Variants in DACH2 observed in about 807,000 individuals in gnomAD.
DACH2 encodes dachshund family transcription factor 2.
DACH2 carries 17 observed loss-of-function variants against 35.8 expected under a neutral mutation model. The ratio of observed to expected loss-of-function variants is 0.48; its 90% CI spans 0.33 to 0.71. DACH2 has a LOEUF of 0.71. DACH2 is among the 30% of genes least tolerant of loss of function. The pLI is 0.02. For missense variants in DACH2, 469 were observed against 472.7 expected, an observed-to-expected ratio of 0.99 and a Z score of 0.07; for synonymous variants, 195 against 177.3, an observed-to-expected ratio of 1.10 and a Z score of -0.79.
At chrX:86,293,638 G>A (rs1206726675) in intron 1 of DACH2, among the ~76,000 whole-genome samples, 2 of 110,366 alleles carry the variant, frequency 1.8e-5, no homozygotes, top group Admixed American at 1.9e-4. Context: ...AAATCTGTCA[G>A]CATTTGCTTG....
rs143631292 is a variant in DACH2 at position 86,502,974 on chromosome X, C to G, written c.528-11305C>G. Among the ~76,000 whole-genome samples the G allele has an allele frequency of 5.2e-3, 584 of 111,687 alleles. 6 individuals carry two copies. The highest frequency in any genetic ancestry group is 0.018 in the African/African-American group (553 of 30,740). ...AAAGATTGGACACCCCTGACATACACTAGGGGATTCTGTCACAGAAATTAT... is the reference window on the plus strand; with the variant it reads ...AAAGATTGGACACCCCTGACATACAGTAGGGGATTCTGTCACAGAAATTAT... On this transcript the variant is annotated intron_variant, in intron 2 of 11. Transcript: ENST00000373125.
At position 86,396,232 on chromosome X, in the gene DACH2, GTTGT is replaced by G. The variant is rs1246408566; in HGVS notation, c.527+19377_527+19380del. On this transcript the variant is annotated intron_variant, in intron 2 of 11. Transcript: ENST00000373125. ...TGTCCTTCGCCCGCTTTTTGATGGG[GTTGT>G]TTGTTTTTTTCTTGTAAATTTGTTT... Among the ~76,000 whole-genome samples, 7 of 108,462 alleles carry G rather than the reference GTTGT, an allele frequency of 6.5e-5. No homozygotes were observed. In the South Asian group the frequency reaches 2.0e-3, roughly 32 times the overall value. The allele number at this position is 108,462 out of a possible 115,157, so 94.2% of individuals were successfully genotyped here. A position where few individuals can be genotyped will look rare whatever the true frequency, so the allele number is the denominator to read the frequency against.
chrX:86,348,666 GA>G (rs973111880), intron 1 of DACH2, among the ~76,000 whole-genome samples: 11 of 111,670 alleles, frequency 9.9e-5, no homozygotes, highest in Non-Finnish European at 1.7e-4. Context: ...CTTCAAAATG[GA>G]AAAAAAGGAA....
chrX:86,170,192 A>ATC (rs774431164), intron 1 of DACH2, among the ~76,000 whole-genome samples: 4 of 107,724 alleles, frequency 3.7e-5, no homozygotes, highest in South Asian at 7.7e-4. Flanking sequence ...AACAAAAAGC[A>ATC]TCTCTCTCTC....
At chrX:86,295,077 C>T (rs768665624) in intron 1 of DACH2, among the ~76,000 whole-genome samples, 5 of 112,747 alleles carry the variant, frequency 4.4e-5, no homozygotes, top group Admixed American at 9.3e-5. Flanking sequence ...AGCCAGACTC[C>T]GTGGGCGTAG....
At chrX:86,770,030 GA>G (rs1007874738) in intron 7 of DACH2, among the ~76,000 whole-genome samples, 1 of 108,897 alleles carries the variant, frequency 9.2e-6, no homozygotes, top group Admixed American at 9.9e-5. Context: ...AAAAAGATAA[GA>G]AAAAAAAGCA....
chrX:86,209,590 C>T (rs1160347328), intron 1 of DACH2, among the ~76,000 whole-genome samples: 2 of 110,971 alleles, frequency 1.8e-5, no homozygotes, highest in Admixed American at 9.6e-5. Context: ...TCCTCAGAGT[C>T]CTTCGAAAAC....
intron 2 of DACH2, among the ~76,000 whole-genome samples, chrX:86,503,270 G>A (rs934857054): frequency 3.6e-5 from 4 of 111,684 alleles, no homozygotes; most frequent in Non-Finnish European, 5.7e-5. Context: ...GTAAAACTAC[G>A]GTTTTACAAT....
intron 3 of DACH2, among the ~76,000 whole-genome samples, chrX:86,580,656 T>C (rs1404292601): frequency 9.0e-6 from 1 of 111,221 alleles, no homozygotes; most frequent in Non-Finnish European, 1.9e-5. Flanking sequence ...TGAAGACTGG[T>C]TCTCCAAATA....
intron 1 of DACH2, among the ~76,000 whole-genome samples, chrX:86,315,128 ATGACTTCAGT>A (rs1275482470): frequency 8.9e-6 from 1 of 112,016 alleles, no homozygotes; most frequent in Non-Finnish European, 1.9e-5. Context: ...AATGCAGTTG[ATGACTTCAGT>A]TGAAACCAAT....
chrX:86,409,741 A>C (rs2036580943), intron 2 of DACH2, among the ~76,000 whole-genome samples: 1 of 112,114 alleles, frequency 8.9e-6, no homozygotes, highest in Non-Finnish European at 1.9e-5. Flanking sequence ...TAACAATGCA[A>C]GAATAGCCAA....
At chrX:86,705,895 A>G (rs768512293) in intron 5 of DACH2, among the ~76,000 whole-genome samples, 1 of 112,212 alleles carries the variant, frequency 8.9e-6, no homozygotes, top group East Asian at 2.8e-4. Context: ...TGTATACACC[A>G]TGGAATACTA....
intron 3 of DACH2, among the ~76,000 whole-genome samples, chrX:86,516,522 A>G (rs907043522): frequency 9.0e-6 from 1 of 111,597 alleles, no homozygotes; most frequent in African/African-American, 3.3e-5. Context: ...TTTTTAAGGT[A>G]AACAATCTAT....
rs376421735 is a variant in DACH2, at chrX:86,809,577, T to C, written c.1241-3279T>C. The stretch of plus-strand genomic sequence containing the variant: ...CATACACTAAAACATAATACACTTC[T>C]ACTGCTTTTGGGCTATTATGGACCT... On this transcript the variant is annotated intron_variant, in intron 7 of 11. Transcript: ENST00000373125. Among the ~76,000 whole-genome samples, 18 of 112,221 alleles carry C rather than the reference T, an allele frequency of 1.6e-4. No homozygotes were observed. In the East Asian group the frequency reaches 3.9e-3, roughly 24 times the overall value.
At chrX:86,510,381 G>A (rs1275575172) in intron 2 of DACH2, among the ~76,000 whole-genome samples, 1 of 112,036 alleles carries the variant, frequency 8.9e-6, no homozygotes, top group Non-Finnish European at 1.9e-5. Context: ...TTCTCTCTTA[G>A]GGAATTGCCA....
chrX:86,515,180 C>T (rs1216380794), intron 3 of DACH2, among the ~76,000 whole-genome samples: 1 of 110,656 alleles, frequency 9.0e-6, no homozygotes, highest in African/African-American at 3.3e-5. Flanking sequence ...TAAAAATATA[C>T]GAGTAGTGGT....
In DACH2 at chrX:86,707,784, G is replaced by A. The variant is rs765636030; in HGVS notation, c.932-6764G>A. ...ACAAAAATTAGCTGTGTGTGGTGGC[G>A]TGCGCCTGTAGTCTCAGCTACTTGG... On this transcript the variant is annotated intron_variant, in intron 5 of 11. Transcript: ENST00000373125. 5.1e-3 allele frequency among the ~76,000 whole-genome samples: 543 copies of A among 107,256 alleles called. 1 individual carries two copies. Among genetic ancestry groups the A allele is most frequent in the Non-Finnish European group, 8.5e-3 (444 of 52,033 alleles). The allele number at this position is 107,256 out of a possible 115,157, so 93.1% of individuals were successfully genotyped here.
chrX:86,809,386 T>C (rs1410276992), intron 7 of DACH2, among the ~76,000 whole-genome samples: 1 of 111,413 alleles, frequency 9.0e-6, no homozygotes, highest in Non-Finnish European at 1.9e-5. Flanking sequence ...AACTCCTACA[T>C]AACAGTGCAC....
chrX:86,169,675 A>T (rs1261788136), intron 1 of DACH2, among the ~76,000 whole-genome samples: 1 of 109,658 alleles, frequency 9.1e-6, no homozygotes, highest in Non-Finnish European at 1.9e-5. Flanking sequence ...TCAACTCAAA[A>T]ATTTGTGCTT....
Sources: allele counts gnomAD v4.1 joint callset (sites outside exome capture counted in the v4.1 genomes callset), GRCh38; gene constraint gnomAD v4.1.1; transcripts MANE v1.5; gene names NCBI Gene and HGNC (gene_info 2026-07-23, HGNC 2026-07-21).